The following GALNT10 variants were observed in gnomAD, a reference collection of about 807,000 sequenced individuals.
The protein encoded by GALNT10 is GalNAc transferase 10.
In GALNT10, 41 loss-of-function variants were observed where a neutral mutation model predicts 75.0. The ratio of observed to expected loss-of-function variants is 0.55; its 90% CI spans 0.43 to 0.71. The LOEUF (loss-of-function observed/expected upper bound fraction) is 0.71. GALNT10 is among the 30% of genes least tolerant of loss of function. The pLI is 0.00. For missense variants in GALNT10, 727 were observed against 818.5 expected, an observed-to-expected ratio of 0.89 and a Z score of 1.36; for synonymous variants, 302 against 313.0, an observed-to-expected ratio of 0.96 and a Z score of 0.37.
At chr5:154,214,975 T>C (rs1323782770) in intron 1 of GALNT10, among the ~76,000 whole-genome samples, 1 of 152,162 alleles carries the variant, frequency 6.6e-6, no homozygotes, top group Non-Finnish European at 1.5e-5. Flanking sequence ...ACTGAGAAAA[T>C]ACCCATGGGA....
chr5:154,315,482 T>C (rs1754582696), intron 3 of GALNT10, among the ~76,000 whole-genome samples: 1 of 152,252 alleles, frequency 6.6e-6, no homozygotes, highest in African/African-American at 2.4e-5. Flanking sequence ...TTAAGAGGCC[T>C]TAGCTCTCCT....
intron 9 of GALNT10, among the ~76,000 whole-genome samples, chr5:154,411,092 A>C (rs959519363): frequency 6.6e-5 from 10 of 152,154 alleles, no homozygotes; most frequent in African/African-American, 2.2e-4. Flanking sequence ...GATAGGTTGG[A>C]GCTTGGAAAA....
intron 1 of GALNT10, among the ~76,000 whole-genome samples, chr5:154,194,034 C>T (rs1463524856): frequency 6.6e-6 from 1 of 152,226 alleles, no homozygotes; most frequent in African/African-American, 2.4e-5. Flanking sequence ...ATCTGTTTAA[C>T]ATCTTGGTTT....
chr5:154,407,986 G>A (rs540634244), intron 8 of GALNT10, among the ~76,000 whole-genome samples: 7 of 152,260 alleles, frequency 4.6e-5, no homozygotes, highest in South Asian at 2.1e-4. Flanking sequence ...GCCTGTTTTT[G>A]TATGGCCTGT....
rs549391683 is a variant in GALNT10, at chr5:154,372,938, G to A, written c.569-3339G>A. 5.9e-5 allele frequency among the ~76,000 whole-genome samples: 9 copies of A among 152,234 alleles called. No individual in the cohort carries two copies. In the South Asian group the frequency reaches 1.2e-3, roughly 21 times the overall value. On this transcript the variant is annotated intron_variant, in intron 4 of 11. Coordinates refer to ENST00000297107, the MANE Select transcript of GALNT10 (RefSeq NM_198321.4). ...CTTTCCCACCTTCAGAATCAGCCTCGGTGTCTATTGGATGGCTCTGAGTCA... is the reference window on the plus strand; with the variant it reads ...CTTTCCCACCTTCAGAATCAGCCTCAGTGTCTATTGGATGGCTCTGAGTCA...
At chr5:154,248,798 T>G (rs2113672924) in intron 1 of GALNT10, among the ~76,000 whole-genome samples, 1 of 152,360 alleles carries the variant, frequency 6.6e-6, no homozygotes, top group African/African-American at 2.4e-5. Flanking sequence ...TCACCATTCC[T>G]TGGGTTTCTG....
At chr5:154,404,839 G>A (rs1342269168) in intron 8 of GALNT10, among the ~76,000 whole-genome samples, 1 of 152,126 alleles carries the variant, frequency 6.6e-6, no homozygotes, top group African/African-American at 2.4e-5. Context: ...TACTCTTACT[G>A]CCAAAACCTC....
chr5:154,250,166 C>G (rs922502297), intron 1 of GALNT10, among the ~76,000 whole-genome samples: 3 of 152,180 alleles, frequency 2.0e-5, no homozygotes, highest in African/African-American at 7.2e-5. Context: ...GCTGCTGCAG[C>G]CCCCTATGTG....
chr5:154,227,901 T>G (rs1324516699), intron 1 of GALNT10, among the ~76,000 whole-genome samples: 1 of 152,210 alleles, frequency 6.6e-6, no homozygotes, highest in East Asian at 1.9e-4. Flanking sequence ...TAATCCCCAG[T>G]GCTGGAGGTG....
intron 1 of GALNT10, among the ~76,000 whole-genome samples, chr5:154,265,521 G>C (rs1753763889): frequency 6.6e-6 from 1 of 152,178 alleles, no homozygotes; most frequent in African/African-American, 2.4e-5. Context: ...AATTTATAGA[G>C]TGTTTTGATT....
chr5:154,364,688 T>G (rs2431607), intron 4 of GALNT10, among the ~76,000 whole-genome samples: 108,457 of 151,808 alleles, frequency 0.71, 38,801 homozygotes, highest in East Asian at 0.86. Context: ...GATTTTTTTT[T>G]CTTTTTTAAT....
chr5:154,263,908 A>G (rs1753738607), intron 1 of GALNT10, among the ~76,000 whole-genome samples: 1 of 152,190 alleles, frequency 6.6e-6, no homozygotes, highest in Non-Finnish European at 1.5e-5. Context: ...GGATGATGAA[A>G]ATAATCTGAA....
chr5:154,237,633 C>T (rs1753266768), intron 1 of GALNT10, among the ~76,000 whole-genome samples: 1 of 152,188 alleles, frequency 6.6e-6, no homozygotes. Context: ...TCTTCTTAAG[C>T]TCCTCTTGGC....
At position 154,415,947 on chromosome 5, in the gene GALNT10, G is replaced by A. The variant is rs367619452; in HGVS notation, c.1653+15G>A. On this transcript the variant is annotated intron_variant, in intron 11 of 11. Transcript: ENST00000297107. ...AATACCGCAAAGTAAGATGGGATGC[G>A]GGGGGAGCAGGGCACCTGCTTAATT... is the stretch of plus-strand genomic sequence containing the variant. 3,248 of 1,611,122 alleles carry A rather than the reference G, an allele frequency of 2.0e-3. 6 individuals carry two copies. Among genetic ancestry groups the A allele is most frequent in the South Asian group, 4.5e-3 (413 of 90,936 alleles).
At chr5:154,270,243 G>A (rs1753841635) in intron 1 of GALNT10, among the ~76,000 whole-genome samples, 1 of 149,704 alleles carries the variant, frequency 6.7e-6, no homozygotes, top group South Asian at 2.2e-4. Context: ...TTCCTGCGGT[G>A]TGCCCTGAAG....
chr5:154,191,431 T>TCCCCCCCCC (rs1446489673), intron 1 of GALNT10, among the ~76,000 whole-genome samples: 4 of 55,076 alleles, frequency 7.3e-5, no homozygotes, highest in African/African-American at 2.2e-4. Context: ...GCTTCCCTCC[T>TCCCCCCCCC]CCCACCCCCC....
intron 4 of GALNT10, among the ~76,000 whole-genome samples, chr5:154,351,767 C>T: frequency 6.6e-6 from 1 of 152,206 alleles, no homozygotes; most frequent in East Asian, 1.9e-4. Flanking sequence ...ACTGCTTCCA[C>T]TTTATAAATG....
intron 4 of GALNT10, among the ~76,000 whole-genome samples, chr5:154,368,563 T>A (rs929970317): frequency 6.6e-6 from 1 of 152,172 alleles, no homozygotes; most frequent in African/African-American, 2.4e-5. Context: ...CGGACTCATG[T>A]CAAAGGAAAA....
rs761270227 is a variant in GALNT10, at chr5:154,402,962, C to G, written c.1057-1142C>G. The G allele has an allele frequency of 6.6e-6, 1 of 152,404 alleles. No individual in the cohort carries two copies. Among genetic ancestry groups the G allele is most frequent in the South Asian group, 2.1e-4 (1 of 4,838 alleles). 9.4% of individuals were successfully genotyped at this position (152,404 alleles called of 1,614,324 possible). A position where few individuals can be genotyped will look rare whatever the true frequency, so the allele number is the denominator to read the frequency against. Reference sequence around the variant, plus strand: ...AGGCATCTACACAGGGGCACAAATACGAGGAGGCAGGGATTGTGAGGCCAC... The same window carrying G: ...AGGCATCTACACAGGGGCACAAATAGGAGGAGGCAGGGATTGTGAGGCCAC... On this transcript the variant is annotated intron_variant, in intron 7 of 11. Coordinates refer to ENST00000297107, the MANE Select transcript of GALNT10 (RefSeq NM_198321.4). The surrounding 1 kb of genome is among the most constrained non-coding windows in gnomAD (Gnocchi z 4.2).
Sources: allele counts gnomAD v4.1 joint callset (sites outside exome capture counted in the v4.1 genomes callset), GRCh38; gene constraint gnomAD v4.1.1; non-coding constraint Gnocchi (gnomAD v3.1); transcripts MANE v1.5; gene names NCBI Gene and HGNC (gene_info 2026-07-23, HGNC 2026-07-21).